PDZRN3: variants seen among roughly 807,000 people sequenced by gnomAD.
PDZRN3 encodes the protein E3 ubiquitin-protein ligase PDZRN3.
A neutral mutation model predicts 85.7 loss-of-function variants in PDZRN3; 38 were observed. The ratio of observed to expected loss-of-function variants is 0.44; its 90% CI spans 0.34 to 0.58. PDZRN3 has a LOEUF of 0.58. Ranked by LOEUF, PDZRN3 falls within the 20% of genes least tolerant of loss-of-function variation. The pLI is 0.01. For synonymous variants in PDZRN3, 759 were observed against 638.0 expected (o/e 1.19, Z -2.86); for missense variants, 1,629 against 1,506.4 (o/e 1.08, Z -1.35).
At chr3:73,563,659 A>G (rs1701884107) in intron 3 of PDZRN3, among the ~76,000 whole-genome samples, 1 of 152,308 alleles carries the variant, frequency 6.6e-6, no homozygotes, top group South Asian at 2.1e-4. Flanking sequence ...AACTTATGGC[A>G]GAGTTAAGTA....
At chr3:73,617,077 G>C (rs866044366) in intron 1 of PDZRN3, among the ~76,000 whole-genome samples, 2 of 152,210 alleles carry the variant, frequency 1.3e-5, no homozygotes, top group Non-Finnish European at 1.5e-5. Flanking sequence ...AAGACACGGG[G>C]CACCTAAAAA....
At chr3:73,583,405 T>C (rs1283014918) in intron 3 of PDZRN3, among the ~76,000 whole-genome samples, 2 of 152,208 alleles carry the variant, frequency 1.3e-5, no homozygotes, top group Admixed American at 1.3e-4. Flanking sequence ...ATTAACTATA[T>C]GGCGAAAATA....
At chr3:73,535,130 G>A (rs757778177) in intron 3 of PDZRN3, among the ~76,000 whole-genome samples, 4 of 152,116 alleles carry the variant, frequency 2.6e-5, no homozygotes, top group Non-Finnish European at 4.4e-5. Flanking sequence ...CAATGACCCA[G>A]GTGGCAGGCT....
intron 3 of PDZRN3, among the ~76,000 whole-genome samples, chr3:73,587,069 T>C (rs977191609): frequency 6.6e-6 from 1 of 152,208 alleles, no homozygotes; most frequent in Middle Eastern, 3.2e-3. Flanking sequence ...GACCCCAGGG[T>C]ACAATATCAG....
intron 3 of PDZRN3, among the ~76,000 whole-genome samples, chr3:73,512,444 C>T (rs1339787066): frequency 1.3e-5 from 2 of 152,162 alleles, no homozygotes; most frequent in Admixed American, 6.5e-5. Context: ...TTTAACATTG[C>T]ATATATTTAT....
At chr3:73,468,740 A>G (rs1245227568) in intron 3 of PDZRN3, among the ~76,000 whole-genome samples, 3 of 152,156 alleles carry the variant, frequency 2.0e-5, no homozygotes, top group African/African-American at 7.2e-5. Flanking sequence ...GTGTTGACTG[A>G]TGCAAAAGTG....
At chr3:73,613,640 G>C (rs1420319372) in intron 1 of PDZRN3, among the ~76,000 whole-genome samples, 3 of 152,072 alleles carry the variant, frequency 2.0e-5, no homozygotes, top group Admixed American at 6.6e-5. Flanking sequence ...CTTTCACAGA[G>C]TTGCCTTCTA....
intron 3 of PDZRN3, among the ~76,000 whole-genome samples, chr3:73,462,611 C>T (rs1429275232): frequency 6.6e-6 from 1 of 150,838 alleles, no homozygotes. Flanking sequence ...TTGCAGAAAG[C>T]AGCAAGAGGT....
intron 5 of PDZRN3, among the ~76,000 whole-genome samples, chr3:73,393,236 C>A (rs1701564820): frequency 6.6e-6 from 1 of 152,118 alleles, no homozygotes; most frequent in African/African-American, 2.4e-5. Flanking sequence ...ATGAGAAAGA[C>A]AAGAAATGTT....
At chr3:73,574,463 G>GGGA (rs1553704250) in intron 3 of PDZRN3, among the ~76,000 whole-genome samples, 1 of 141,536 alleles carries the variant, frequency 7.1e-6, no homozygotes, top group South Asian at 2.4e-4. Context: ...GGGGTGGGGG[G>GGGA]GGTGGGGAGG....
intron 5 of PDZRN3, among the ~76,000 whole-genome samples, chr3:73,392,785 C>G (rs1459722033): frequency 1.3e-5 from 2 of 152,140 alleles, no homozygotes; most frequent in Non-Finnish European, 2.9e-5. Context: ...ATGGTAAGTT[C>G]TTATTAAATG....
chr3:73,554,795 C>T (rs1317329060), intron 3 of PDZRN3, among the ~76,000 whole-genome samples: 2 of 152,236 alleles, frequency 1.3e-5, no homozygotes, highest in East Asian at 3.8e-4. Flanking sequence ...TGAGAAGTTA[C>T]TGTCCATGAT....
chr3:73,476,364 A>C (rs1703448792), intron 3 of PDZRN3, among the ~76,000 whole-genome samples: 1 of 152,142 alleles, frequency 6.6e-6, no homozygotes, highest in African/African-American at 2.4e-5. Context: ...ACTTTCCAAC[A>C]ACCAGATCTT....
intron 3 of PDZRN3, among the ~76,000 whole-genome samples, chr3:73,477,964 G>A (rs984219093): frequency 4.6e-5 from 7 of 152,132 alleles, no homozygotes; most frequent in Non-Finnish European, 8.8e-5. Flanking sequence ...ACAACATGGG[G>A]AAAACCTGCC....
At chr3:73,578,839 T>C (rs2106863487) in intron 3 of PDZRN3, among the ~76,000 whole-genome samples, 1 of 152,282 alleles carries the variant, frequency 6.6e-6, no homozygotes, top group East Asian at 1.9e-4. Flanking sequence ...GACAGAATTA[T>C]TTCTCCATTC....
At chr3:73,500,249 ATATT>A (rs1428108171) in intron 3 of PDZRN3, among the ~76,000 whole-genome samples, 3 of 152,114 alleles carry the variant, frequency 2.0e-5, no homozygotes, top group Non-Finnish European at 4.4e-5. Context: ...GGGTCTCACT[ATATT>A]GCCCAGGCTG....
chr3:73,451,268 T>C (rs958535921), intron 3 of PDZRN3, among the ~76,000 whole-genome samples: 1 of 152,162 alleles, frequency 6.6e-6, no homozygotes, highest in African/African-American at 2.4e-5. Flanking sequence ...AAAAAAATAA[T>C]TGCTCTCAAA....
chr3:73,383,334 C>A lies in PDZRN3; in HGVS notation c.*31G>T. ...GAATTTCTACCCCAGTGGTAGTGGT[C>A]TCCTTTATGTACATAATGCAGAAGT... is the stretch of plus-strand genomic sequence containing the variant. On this transcript the variant is annotated 3_prime_UTR_variant, in exon 10 of 10. Coordinates refer to ENST00000263666, the MANE Select transcript of PDZRN3 (RefSeq NM_015009.3). The A allele has an allele frequency of 6.5e-7, 1 of 1,545,230 alleles. No individual in the cohort carries two copies. Among genetic ancestry groups the A allele is most frequent in the South Asian group, 1.3e-5 (1 of 78,448 alleles).
intron 3 of PDZRN3, among the ~76,000 whole-genome samples, chr3:73,426,009 C>T (rs1449169991): frequency 2.0e-5 from 3 of 152,096 alleles, no homozygotes; most frequent in Non-Finnish European, 4.4e-5. Context: ...AGAATTCTAC[C>T]CATCATCATT....
Sources: gnomAD v4.1 joint callset for allele counts (sites outside exome capture counted in the v4.1 genomes callset) on GRCh38, gnomAD v4.1.1 for gene constraint, MANE v1.5 for transcripts, NCBI Gene and HGNC (gene_info 2026-07-23, HGNC 2026-07-21) for gene names.